The following FAT3 variants were observed in gnomAD, a reference collection of about 807,000 sequenced individuals.
FAT3 encodes protocadherin Fat 3.
A neutral mutation model predicts 310.2 loss-of-function variants in FAT3; 95 were observed. That is an observed-to-expected ratio of 0.31 (90% CI 0.26 to 0.36). FAT3 has a LOEUF of 0.36. Ranked by LOEUF, FAT3 falls within the 10% of genes least tolerant of loss-of-function variation. The pLI is 1.00. For synonymous variants in FAT3, 2,314 were observed against 2,192.9 expected, an observed-to-expected ratio of 1.06 and a Z score of -1.54; for missense variants, 5,408 against 5,715.6, an observed-to-expected ratio of 0.95 and a Z score of 1.74.
At chr11:92,443,766 A>G (rs2135088780) in intron 2 of FAT3, among the ~76,000 whole-genome samples, 1 of 152,266 alleles carries the variant, frequency 6.6e-6, no homozygotes, top group Non-Finnish European at 1.5e-5. Context: ...TGAAAATAAT[A>G]AGAAGCATGA....
chr11:92,558,429 C>A (rs146113901), intron 3 of FAT3, among the ~76,000 whole-genome samples: 1 of 77,986 alleles, frequency 1.3e-5, no homozygotes, highest in Non-Finnish European at 3.0e-5. Flanking sequence ...TGTGTATGCA[C>A]GTGTGTGTTT....
chr11:92,396,825 G>A (rs929473674), intron 2 of FAT3, among the ~76,000 whole-genome samples: 6 of 152,090 alleles, frequency 3.9e-5, no homozygotes, highest in African/African-American at 1.4e-4. Flanking sequence ...TCCTGCCTTA[G>A]CCTCCCAAGT....
intron 2 of FAT3, among the ~76,000 whole-genome samples, chr11:92,417,639 G>GA (rs1488532842): frequency 6.6e-6 from 1 of 152,072 alleles, no homozygotes; most frequent in Non-Finnish European, 1.5e-5. Flanking sequence ...AATAGAAAGG[G>GA]AAAAAATACA....
intron 3 of FAT3, among the ~76,000 whole-genome samples, chr11:92,673,552 C>T (rs1390698899): frequency 1.3e-5 from 2 of 152,106 alleles, no homozygotes; most frequent in African/African-American, 4.8e-5. Context: ...GGGAGACTTC[C>T]TAGTGGGGGT....
At chr11:92,882,321 GT>G (rs1800297855) in intron 23 of FAT3, among the ~76,000 whole-genome samples, 1 of 152,182 alleles carries the variant, frequency 6.6e-6, no homozygotes, top group African/African-American at 2.4e-5. Flanking sequence ...TGAAAGATAT[GT>G]GCTGCATGTC....
chr11:92,393,943 A>G (rs180788840), intron 2 of FAT3, among the ~76,000 whole-genome samples: 22 of 152,206 alleles, frequency 1.4e-4, no homozygotes, highest in Admixed American at 4.6e-4. Context: ...ATTGCTTTCT[A>G]ATTGTTACAG....
chr11:92,870,086 T>G (rs1949348471), intron 22 of FAT3, among the ~76,000 whole-genome samples: 1 of 152,230 alleles, frequency 6.6e-6, no homozygotes, highest in African/African-American at 2.4e-5. Flanking sequence ...AGCATCCCCT[T>G]GACCACTGAA....
chr11:92,815,280 T>C (rs543960657), intron 13 of FAT3, among the ~76,000 whole-genome samples: 2 of 152,006 alleles, frequency 1.3e-5, no homozygotes, highest in Non-Finnish European at 2.9e-5. Flanking sequence ...GATTTAAAAA[T>C]AAGGAGCTGG....
intron 4 of FAT3, among the ~76,000 whole-genome samples, chr11:92,755,395 T>C (rs1241486991): frequency 1.3e-5 from 2 of 152,042 alleles, no homozygotes; most frequent in Non-Finnish European, 2.9e-5. Context: ...GCTAATTTTT[T>C]GTATTTTTAG....
rs77655736 is a variant in FAT3, at chr11:92,265,950, C to A, written c.-18+40776C>A. Reference sequence around the variant, plus strand: ...GGGGAAAGGGCAGGACGCTCCAGACCTCTTTTTCCCTTCCTTCCTTTCTAC... The same window carrying A: ...GGGGAAAGGGCAGGACGCTCCAGACATCTTTTTCCCTTCCTTCCTTTCTAC... On this transcript the variant is annotated intron_variant, in intron 1 of 27. Coordinates refer to ENST00000525166, the MANE Select transcript of FAT3 (RefSeq NM_001367949.2). 2.5e-3 allele frequency among the ~76,000 whole-genome samples: 377 copies of A among 152,210 alleles called. 3 individuals are homozygous for A. The highest frequency in any genetic ancestry group is 8.8e-3 in the African/African-American group (364 of 41,548).
intron 11 of FAT3, among the ~76,000 whole-genome samples, chr11:92,805,822 A>G (rs1164237178): frequency 6.6e-6 from 1 of 152,194 alleles, no homozygotes; most frequent in Non-Finnish European, 1.5e-5. Flanking sequence ...GCAAGGTACA[A>G]GTACTAGATT....
At chr11:92,601,462 G>T (rs375734772) in intron 3 of FAT3, among the ~76,000 whole-genome samples, 2 of 152,166 alleles carry the variant, frequency 1.3e-5, no homozygotes, top group East Asian at 3.9e-4. Flanking sequence ...GAGTGTGGTG[G>T]CAGGTGCCTG....
chr11:92,556,128 C>G (rs1003441386), intron 3 of FAT3, among the ~76,000 whole-genome samples: 1 of 152,180 alleles, frequency 6.6e-6, no homozygotes. Context: ...TTGCTCATAG[C>G]CAACTCAGTT....
chr11:92,851,265 G>A (rs766763141), intron 19 of FAT3, among the ~76,000 whole-genome samples: 4 of 152,178 alleles, frequency 2.6e-5, no homozygotes, highest in Non-Finnish European at 5.9e-5. Context: ...CTGCCATGTT[G>A]CTGGGTCAAA....
chr11:92,291,261 A>C (rs530315133), intron 1 of FAT3, among the ~76,000 whole-genome samples: 1 of 152,098 alleles, frequency 6.6e-6, no homozygotes, highest in Non-Finnish European at 1.5e-5. Context: ...CAAGCACTCT[A>C]TCCTGTTGGA....
At chr11:92,448,630 A>G (rs1591305120) in intron 2 of FAT3, among the ~76,000 whole-genome samples, 1 of 152,096 alleles carries the variant, frequency 6.6e-6, no homozygotes, top group Non-Finnish European at 1.5e-5. Context: ...TTCAAATAGC[A>G]TTTCTTGTTC....
intron 14 of FAT3, among the ~76,000 whole-genome samples, chr11:92,833,372 T>C (rs563512471): frequency 3.3e-5 from 5 of 152,328 alleles, no homozygotes; most frequent in Admixed American, 3.3e-4. Context: ...TCCATTTTCC[T>C]TTGGGTAGTC....
chr11:92,325,820 C>T (rs1370986529), intron 1 of FAT3, among the ~76,000 whole-genome samples: 3 of 152,118 alleles, frequency 2.0e-5, no homozygotes, highest in Non-Finnish European at 2.9e-5. Context: ...TTAGTAGATA[C>T]CGGGTTTCAC....
chr11:92,681,370 A>G (rs1038006619), intron 3 of FAT3, among the ~76,000 whole-genome samples: 1 of 152,204 alleles, frequency 6.6e-6, no homozygotes, highest in African/African-American at 2.4e-5. Context: ...AGAAAGAATT[A>G]GCCATGCAGA....
Sources: gnomAD v4.1 joint callset for allele counts (sites outside exome capture counted in the v4.1 genomes callset) on GRCh38, gnomAD v4.1.1 for gene constraint, MANE v1.5 for transcripts, NCBI Gene and HGNC (gene_info 2026-07-23, HGNC 2026-07-21) for gene names.